CNBD1: variants seen among roughly 807,000 people sequenced by gnomAD.
The protein encoded by CNBD1 is cyclic nucleotide-binding domain-containing protein 1.
In CNBD1, 71 loss-of-function variants were observed where a neutral mutation model predicts 54.4. That is an observed-to-expected ratio of 1.30 (90% CI 1.08 to 1.59). The LOEUF is 1.59. Among genes scored for constraint, CNBD1 ranks in the 40% most tolerant of loss-of-function variants. CNBD1 has a pLI of 0.00. For synonymous variants in CNBD1, 182 were observed against 170.7 expected (o/e 1.07, Z -0.51); for missense variants, 659 against 518.0 (o/e 1.27, Z -2.64).
At chr8:87,364,155 A>G (rs916922593) in intron 10 of CNBD1, among the ~76,000 whole-genome samples, 6 of 151,716 alleles carry the variant, frequency 4.0e-5, no homozygotes. Context: ...TCTTGCTGAC[A>G]TTTAAAATTA....
intron 4 of CNBD1, among the ~76,000 whole-genome samples, chr8:87,090,598 T>C (rs1005046180): frequency 2.6e-5 from 4 of 151,974 alleles, no homozygotes; most frequent in African/African-American, 9.7e-5. Context: ...CCAAAAGCTA[T>C]CTTCATTTGT....
At position 87,036,360 on chromosome 8, in the gene CNBD1, C is replaced by T. The variant is rs891275524; in HGVS notation, c.431+96606C>T. On this transcript the variant is annotated intron_variant, in intron 4 of 10. Transcript: ENST00000518476. ...CTGTAATCCCAGCACTTTGGGAGGC[C>T]GAGGCGGGCGGATCACGAGGTCAGG... is the stretch of plus-strand genomic sequence containing the variant. Among the ~76,000 whole-genome samples, 13 of 151,990 alleles carry T rather than the reference C, an allele frequency of 8.6e-5. 1 individual carries two copies. The highest frequency in any genetic ancestry group is 3.4e-3 in the Middle Eastern group (1 of 294).
chr8:86,943,365 CAAAAAA>C (rs1158061860), intron 4 of CNBD1, among the ~76,000 whole-genome samples: 12 of 32,578 alleles, frequency 3.7e-4, no homozygotes, highest in Admixed American at 7.5e-4. Flanking sequence ...GACTCCATCT[CAAAAAA>C]AAAAAAAAAA....
chr8:87,244,422 C>T (rs1807760595), intron 6 of CNBD1, among the ~76,000 whole-genome samples: 1 of 152,116 alleles, frequency 6.6e-6, no homozygotes, highest in African/African-American at 2.4e-5. Flanking sequence ...TTTTCACAGA[C>T]CCATATGCAA....
chr8:87,259,370 C>A (rs942735584), intron 6 of CNBD1, among the ~76,000 whole-genome samples: 3 of 152,096 alleles, frequency 2.0e-5, no homozygotes, highest in Admixed American at 6.6e-5. Context: ...ATAAATTGAA[C>A]AATTTTCAAA....
intron 4 of CNBD1, among the ~76,000 whole-genome samples, chr8:87,048,258 G>A (rs1810242148): frequency 6.6e-6 from 1 of 151,452 alleles, no homozygotes; most frequent in Non-Finnish European, 1.5e-5. Flanking sequence ...ATTGGAAGTG[G>A]GCAAGGAGGT....
chr8:86,878,105 T>TGAGAGA (rs34491735), intron 1 of CNBD1, among the ~76,000 whole-genome samples: 4 of 140,876 alleles, frequency 2.8e-5, no homozygotes, highest in Non-Finnish European at 4.7e-5. Context: ...TGTGTGTGTG[T>TGAGAGA]GAGAGAGAGA....
downstream of CNBD1, among the ~76,000 whole-genome samples, chr8:87,385,238 G>T (rs1422057446): frequency 6.6e-6 from 1 of 152,142 alleles, no homozygotes; most frequent in Non-Finnish European, 1.5e-5. Flanking sequence ...TGAGCTACCG[G>T]GTTCATCTCA....
rs113899610 is a variant in CNBD1, at chr8:86,866,503, T to A, written c.8T>A (p.Met3Lys). Residue 3 changes from methionine (M) to lysine (K), a missense_variant, in exon 1 of 11, where the codon ATG becomes AAG. Met to Lys is a moderately conservative substitution (Grantham distance 95). Coordinates refer to ENST00000518476, the MANE Select transcript of CNBD1 (RefSeq NM_173538.3). The part of the protein sequence containing the change: MP[M>K]SSLPAAILSH... The stretch of plus-strand genomic sequence containing the variant: ...TGCCTTTGAGCCATCAAGATGCCGA[T>A]GTCTTCTCTTCCAGCAGCTATTTTG... The A allele has an allele frequency of 6.2e-7, 1 of 1,610,752 alleles. No individual in the cohort carries two copies. The highest frequency in any genetic ancestry group is 8.5e-7 in the Non-Finnish European group (1 of 1,178,604).
At chr8:87,269,419 C>A (rs1353537854) in intron 6 of CNBD1, among the ~76,000 whole-genome samples, 1 of 152,028 alleles carries the variant, frequency 6.6e-6, no homozygotes, top group Non-Finnish European at 1.5e-5. Flanking sequence ...TTTTTGGTTC[C>A]ATATGAATTT....
chr8:86,870,617 T>C (rs941348712), intron 1 of CNBD1, among the ~76,000 whole-genome samples: 3 of 152,188 alleles, frequency 2.0e-5, no homozygotes, highest in Non-Finnish European at 2.9e-5. Flanking sequence ...GCGTTTTCTA[T>C]AATTTGAGAG....
chr8:87,209,196 T>C (rs556846986), intron 5 of CNBD1, among the ~76,000 whole-genome samples: 63 of 152,188 alleles, frequency 4.1e-4, no homozygotes, highest in African/African-American at 1.5e-3. Flanking sequence ...TTTTACCAAA[T>C]ATTTTAAAAA....
chr8:86,956,187 T>G (rs2130458145), intron 4 of CNBD1, among the ~76,000 whole-genome samples: 1 of 152,262 alleles, frequency 6.6e-6, no homozygotes, highest in African/African-American at 2.4e-5. Flanking sequence ...TCCATTGATC[T>G]ATATCTCTGT....
chr8:87,420,908 G>A (rs922386065), intron 2 of CNBD1, among the ~76,000 whole-genome samples: 1 of 151,648 alleles, frequency 6.6e-6, no homozygotes, highest in Admixed American at 6.6e-5. Flanking sequence ...CTCATAACAT[G>A]TTACTGATCG....
At chr8:87,073,963 G>C (rs534157619) in intron 4 of CNBD1, among the ~76,000 whole-genome samples, 2 of 152,134 alleles carry the variant, frequency 1.3e-5, no homozygotes, top group Middle Eastern at 3.4e-3. Context: ...TTAGCCAGGC[G>C]TGGTGGTGGG....
chr8:86,962,531 A>G (rs1178435874), intron 4 of CNBD1, among the ~76,000 whole-genome samples: 4 of 152,172 alleles, frequency 2.6e-5, no homozygotes, highest in Non-Finnish European at 4.4e-5. Flanking sequence ...TACACCTGTA[A>G]TCCCAGCACT....
intron 2 of CNBD1, among the ~76,000 whole-genome samples, chr8:87,409,830 C>T (rs1807709950): frequency 6.6e-6 from 1 of 151,988 alleles, no homozygotes; most frequent in South Asian, 2.1e-4. Flanking sequence ...CCAGACCAGC[C>T]TGTGCAACAC....
chr8:87,060,273 G>A (rs188931970), intron 4 of CNBD1, among the ~76,000 whole-genome samples: 39 of 152,164 alleles, frequency 2.6e-4, no homozygotes, highest in African/African-American at 7.7e-4. Context: ...CAATAAATAC[G>A]TTATTTTAAG....
intron 4 of CNBD1, among the ~76,000 whole-genome samples, chr8:87,018,714 C>T (rs1809418544): frequency 6.6e-6 from 1 of 152,068 alleles, no homozygotes; most frequent in Non-Finnish European, 1.5e-5. Flanking sequence ...CCTACTGGGC[C>T]CAGATCTGTT....
Sources: gnomAD v4.1 joint callset for allele counts (sites outside exome capture counted in the v4.1 genomes callset) on GRCh38, gnomAD v4.1.1 for gene constraint, MANE v1.5 for transcripts, NCBI Gene and HGNC (gene_info 2026-07-23, HGNC 2026-07-21) for gene names.